Variants in KCNQ2 observed in about 807,000 individuals in gnomAD.
KCNQ2 encodes the protein potassium voltage-gated channel subfamily KQT member 2.
A neutral mutation model predicts 84.8 loss-of-function variants in KCNQ2; 14 were observed. The observed-to-expected ratio is 0.17, with a 90% CI of 0.11 to 0.26. The LOEUF (loss-of-function observed/expected upper bound fraction) is 0.26, where lower values mean the gene tolerates loss of function less well. KCNQ2 is among the 10% of genes least tolerant of loss of function. The pLI is 1.00. For missense variants in KCNQ2, 788 were observed against 1,254.0 expected (o/e 0.63, Z 5.61); for synonymous variants, 599 against 554.1 (o/e 1.08, Z -1.14).
At chr20:63,410,313 T>G (rs1252342184) in intron 15 of KCNQ2, among the ~76,000 whole-genome samples, 2 of 152,120 alleles carry the variant, frequency 1.3e-5, no homozygotes, top group Non-Finnish European at 2.9e-5. Flanking sequence ...GAGCTGCTGC[T>G]GGGGGCTCCT....
chr20:63,447,807 G>T (rs985684830), intron 1 of KCNQ2, among the ~76,000 whole-genome samples: 1 of 152,142 alleles, frequency 6.6e-6, no homozygotes, highest in African/African-American at 2.4e-5. Context: ...ACATTGGCCA[G>T]GCTAGTCTCG....
chr20:63,443,010 C>G (rs1600773209), intron 4 of KCNQ2, among the ~76,000 whole-genome samples: 1 of 33,280 alleles, frequency 3.0e-5, no homozygotes, highest in Non-Finnish European at 6.6e-5. Context: ...ACCACCATCA[C>G]CATCACCACC....
chr20:63,414,248 C>T lies in KCNQ2; in HGVS notation c.1526-55G>A, dbSNP rs924707309. The T allele has an allele frequency of 6.5e-5, 87 of 1,330,126 alleles. No homozygotes were observed. The highest frequency in any genetic ancestry group is 7.5e-5 in the Non-Finnish European group (69 of 925,632). 82.4% of individuals were successfully genotyped at this position (1,330,126 alleles called of 1,614,324 possible). On this transcript the variant is annotated intron_variant, in intron 13 of 16. Coordinates refer to ENST00000359125, the MANE Select transcript of KCNQ2 (RefSeq NM_172107.4). The surrounding 1 kb of genome is among the most constrained non-coding windows in gnomAD (Gnocchi z 6.6). ...CCGAGGGGGCCGGGAGACCTATTCC[C>T]GGGGTCCTGCAGGGCACACCGGCTA...
At chr20:63,424,105 G>T in intron 11 of KCNQ2, 72 bp downstream of exon 11, 1 of 1,495,478 alleles carries the variant, frequency 6.7e-7, no homozygotes. Flanking sequence ...GACAGGTTGC[G>T]CACACGTGTG....
chr20:63,433,360 T>TA, intron 8 of KCNQ2: 1 of 255,960 alleles, frequency 3.9e-6, no homozygotes. Context: ...GATCCGGGGT[T>TA]ACTTTCCTGC....
chr20:63,437,508 T>C (rs1320148628), intron 7 of KCNQ2: 1 of 152,372 alleles, frequency 6.6e-6, no homozygotes, highest in South Asian at 2.1e-4. Context: ...TCCCCTGCAG[T>C]GGCCACTGAC....
chr20:63,447,292 G>A (rs1245271096), intron 1 of KCNQ2: 3 of 195,886 alleles, frequency 1.5e-5, no homozygotes, highest in East Asian at 1.4e-4. Flanking sequence ...CCTCACTCTC[G>A]GCCACCTCCT....
chr20:63,419,506 A>C, intron 12 of KCNQ2, 113 bp downstream of exon 12: 1 of 1,077,372 alleles, frequency 9.3e-7, no homozygotes, highest in African/African-American at 1.6e-5. Flanking sequence ...GGTGGGTCAG[A>C]ATTGGGGTTG....
Position 63,442,782 on chromosome 20 carries a change from C to T in KCNQ2, c.691-251G>A, listed in dbSNP as rs200477302. On this transcript the variant is annotated intron_variant, in intron 4 of 16. Coordinates refer to ENST00000359125, the MANE Select transcript of KCNQ2 (RefSeq NM_172107.4). ...ATCACCACCATCACCATCACCACCA[C>T]CACCATCACCATTACCACCACCATT... Among the ~76,000 whole-genome samples, 3,629 of 31,214 alleles carry T rather than the reference C, an allele frequency of 0.12. 74 individuals are homozygous for T. The highest frequency in any genetic ancestry group is 0.18 in the Middle Eastern group (9 of 50). 20.5% of individuals were successfully genotyped at this position (31,214 alleles called of 152,430 possible). A position where few individuals can be genotyped will look rare whatever the true frequency, so the allele number is the denominator to read the frequency against.
chr20:63,432,370 C>T (rs1600726581), intron 8 of KCNQ2, among the ~76,000 whole-genome samples: 1 of 146,368 alleles, frequency 6.8e-6, no homozygotes, highest in East Asian at 2.1e-4. Context: ...AGGGAAGGCT[C>T]CACCCTCTGG....
Position 63,414,402 on chromosome 20 carries a change from A to G in KCNQ2, c.1526-209T>C, listed in dbSNP as rs2080221549. ...ACCTTCCCCGGCAGGCTGTGGCCAC[A>G]GGGAGTGGCCGATATGGGGCGTCAA... is the stretch of plus-strand genomic sequence containing the variant. On this transcript the variant is annotated intron_variant, in intron 13 of 16. Coordinates refer to ENST00000359125, the MANE Select transcript of KCNQ2 (RefSeq NM_172107.4). The surrounding 1 kb of genome is among the most constrained non-coding windows in gnomAD (Gnocchi z 6.6). Among the ~76,000 whole-genome samples the G allele has an allele frequency of 6.6e-6, 1 of 152,180 alleles. No homozygotes were observed. Among genetic ancestry groups the G allele is most frequent in the Non-Finnish European group, 1.5e-5 (1 of 68,034 alleles).
At chr20:63,451,150 A>AAAGAAAC (rs1476651571) in intron 1 of KCNQ2, among the ~76,000 whole-genome samples, 2 of 151,608 alleles carry the variant, frequency 1.3e-5, no homozygotes, top group African/African-American at 4.8e-5. Context: ...AAAAAAAAAA[A>AAAGAAAC]AAAGAAACAA....
At chr20:63,449,548 G>A (rs1430632311) in intron 1 of KCNQ2, among the ~76,000 whole-genome samples, 3 of 152,246 alleles carry the variant, frequency 2.0e-5, no homozygotes, top group Non-Finnish European at 4.4e-5. Context: ...AGGGTTTGGG[G>A]AGCAGAGGTC....
intron 1 of KCNQ2, among the ~76,000 whole-genome samples, chr20:63,464,964 G>A (rs1600860633): frequency 6.6e-6 from 1 of 152,342 alleles, no homozygotes; most frequent in Non-Finnish European, 1.5e-5. Context: ...AGGTTACAGA[G>A]AAAGAAAAGC....
Position 63,457,302 on chromosome 20 carries a change from G to A in KCNQ2, c.297-10465C>T, listed in dbSNP as rs963591659. 5.3e-5 allele frequency among the ~76,000 whole-genome samples: 8 copies of A among 152,218 alleles called. No individual in the cohort carries two copies. The East Asian group carries it at 5.8e-4, about 11-fold the overall frequency. ...GGGTCCACCCTCATTCGGAGCTTCCGGCAGCACCCACCTGAGCCTAAGGCC... is the reference window on the plus strand; with the variant it reads ...GGGTCCACCCTCATTCGGAGCTTCCAGCAGCACCCACCTGAGCCTAAGGCC... On this transcript the variant is annotated intron_variant, in intron 1 of 16. Coordinates refer to ENST00000359125, the MANE Select transcript of KCNQ2 (RefSeq NM_172107.4).
chr20:63,422,928 G>A (rs968810683), intron 11 of KCNQ2, among the ~76,000 whole-genome samples: 1 of 152,168 alleles, frequency 6.6e-6, no homozygotes, highest in African/African-American at 2.4e-5. Context: ...GGACAGCACC[G>A]AGGTTCCGCC....
At chr20:63,429,351 G>A (rs551508266) in intron 9 of KCNQ2, among the ~76,000 whole-genome samples, 107 of 147,062 alleles carry the variant, frequency 7.3e-4, no homozygotes, top group African/African-American at 2.6e-3. Flanking sequence ...TCCCATCCAC[G>A]GCCTCCACCC....
chr20:63,444,922 T>G, intron 3 of KCNQ2, 88 bp from the exon 4 acceptor site: 1 of 1,396,286 alleles, frequency 7.2e-7, no homozygotes, highest in Non-Finnish European at 9.7e-7. Context: ...TCCAGGAGGA[T>G]GTGCAGAGGG....
chr20:63,442,668 C>A, intron 4 of KCNQ2, 137 bp from the exon 5 acceptor site: 5 of 481,526 alleles, frequency 1.0e-5, no homozygotes, highest in South Asian at 9.8e-5. Flanking sequence ...ACCATCACCA[C>A]CACCACCACC....
Sources: allele counts gnomAD v4.1 joint callset (sites outside exome capture counted in the v4.1 genomes callset), GRCh38; gene constraint gnomAD v4.1.1; non-coding constraint Gnocchi (gnomAD v3.1); transcripts MANE v1.5; gene names NCBI Gene and HGNC (gene_info 2026-07-23, HGNC 2026-07-21).